Variants in PKDCC observed in about 807,000 individuals in gnomAD.
PKDCC encodes extracellular tyrosine-protein kinase PKDCC.
Under a neutral mutation model 44.7 loss-of-function variants are expected in PKDCC, and 35 were observed. That is an observed-to-expected ratio of 0.78 (90% CI 0.60 to 1.04). The LOEUF (loss-of-function observed/expected upper bound fraction) is 1.04. PKDCC is among the 50% of genes least tolerant of loss of function. The pLI is 0.00. For missense variants in PKDCC, 738 were observed against 672.7 expected (o/e 1.10, Z -1.07); for synonymous variants, 353 against 303.3 (o/e 1.16, Z -1.70).
chr2:42,052,957 A>G lies in PKDCC; in HGVS notation c.640-282A>G, dbSNP rs1208149132. ...TACAATAATTGAGTTATGCACGTAG[A>G]GCAATTTAGCATGGTACCTGGCACG... On this transcript the variant is annotated intron_variant, in intron 1 of 6. Transcript: ENST00000294964. The surrounding 1 kb of genome is among the most constrained non-coding windows in gnomAD (Gnocchi z 4.3). Among the ~76,000 whole-genome samples the G allele has an allele frequency of 6.6e-6, 1 of 152,180 alleles. No individual in the cohort carries two copies. The highest frequency in any genetic ancestry group is 2.4e-5 in the African/African-American group (1 of 41,438).
At chr2:42,056,773 GA>G (rs575397277) in intron 5 of PKDCC, among the ~76,000 whole-genome samples, 1 of 149,344 alleles carries the variant, frequency 6.7e-6, no homozygotes, top group Admixed American at 6.7e-5. Flanking sequence ...AAAAAAAAAA[GA>G]AAAAAAAAGA....
chr2:42,057,327 T>C lies in PKDCC; in HGVS notation c.1329T>C (p.Ala443=), dbSNP rs748449512. The change falls in exon 6 of 7, where the codon GCT becomes GCC. Residue 443 remains alanine, a synonymous_variant. Transcript: ENST00000294964. ...TTTCAGTGTTCAACCTGGCTGAGGC[T>C]GTGGATGTCTGTGAGAGCCATGCCC... The part of the protein sequence containing the change: ...CLLSVFNLAE[A]VDVCESHAQC... The C allele has an allele frequency of 2.5e-6, 4 of 1,614,216 alleles. No individual in the cohort carries two copies. Among genetic ancestry groups the C allele is most frequent in the Non-Finnish European group, 3.4e-6 (4 of 1,180,028 alleles).
At chr2:42,053,625 G>A (rs1558432157) in intron 2 of PKDCC, 1 of 543,156 alleles carries the variant, frequency 1.8e-6, no homozygotes, top group Non-Finnish European at 3.2e-6. Context: ...CCTTAAAGAG[G>A]GGAGCACTCA....
At chr2:42,050,491 C>A (rs1315073189) in intron 1 of PKDCC, among the ~76,000 whole-genome samples, 3 of 152,166 alleles carry the variant, frequency 2.0e-5, no homozygotes, top group Non-Finnish European at 4.4e-5. Context: ...CTCACTCTTC[C>A]CGCCAGCTCA....
rs1353475476 is a variant in PKDCC at position 42,048,567 on chromosome 2, C to A, written c.368C>A (p.Ser123Tyr). 2 of 1,344,518 alleles carry A rather than the reference C, an allele frequency of 1.5e-6. No homozygotes were observed. The highest frequency in any genetic ancestry group is 3.1e-5 in the East Asian group (1 of 32,492). 83.3% of individuals were successfully genotyped at this position (1,344,518 alleles called of 1,614,324 possible). A position where few individuals can be genotyped will look rare whatever the true frequency, so the allele number is the denominator to read the frequency against. ...TGGCCCCCGGCTCCCGGCCCAGGCT[C>A]CCCCGGCCCGGGCCCGCGCCTGGGC... ...PGWPPAPGPG[S>Y]PGPGPRLGCA... The change falls in exon 1 of 7, where the codon TCC becomes TAC. Residue 123 changes from serine to tyrosine, a missense_variant. Ser to Tyr is a moderately radical substitution (Grantham distance 144, BLOSUM62 -2). Coordinates refer to ENST00000294964, the MANE Select transcript of PKDCC (RefSeq NM_138370.3). This position sits in a 1 kb window ranked among gnomAD's most constrained non-coding sequence, Gnocchi z 6.2.
rs1477286659 is a variant in PKDCC, at chr2:42,048,633, G to A, written c.434G>A (p.Gly145Asp). 2 of 1,542,462 alleles carry A rather than the reference G, an allele frequency of 1.3e-6. No individual in the cohort carries two copies. Among genetic ancestry groups the A allele is most frequent in the Non-Finnish European group, 1.7e-6 (2 of 1,145,856 alleles). ...LRNVSGAQYMGSGYTKAVYRV... is the reference protein window; with the variant it reads ...LRNVSGAQYMDSGYTKAVYRV... The stretch of plus-strand genomic sequence containing the variant: ...AACGTGTCCGGCGCGCAGTACATGG[G>A]CTCAGGCTACACCAAGGCCGTGTAC... Residue 145 changes from glycine to aspartate, a missense_variant, in exon 1 of 7, where the codon GGC (glycine) becomes GAC (aspartate). Physicochemically the swap from Gly to Asp is moderately conservative, Grantham distance 94 (BLOSUM62 -1). Coordinates refer to ENST00000294964, the MANE Select transcript of PKDCC (RefSeq NM_138370.3). The surrounding 1 kb of genome is among the most constrained non-coding windows in gnomAD (Gnocchi z 6.2).
In PKDCC at chr2:42,052,128, A is replaced by C. The variant is rs1667978088; in HGVS notation, c.640-1111A>C. Among the ~76,000 whole-genome samples the C allele has an allele frequency of 6.6e-6, 1 of 152,096 alleles. No individual in the cohort carries two copies. On this transcript the variant is annotated intron_variant, in intron 1 of 6. Transcript: ENST00000294964. The surrounding 1 kb of genome is among the most constrained non-coding windows in gnomAD (Gnocchi z 4.3). ...CCTGGGCAGTGCGGAGCTTCTCCCC[A>C]GATGACATAGAGTGGGCAGTTCCCT...
chr2:42,053,471 G>T (rs1040811880), intron 2 of PKDCC, 110 bp downstream of exon 2: 2 of 1,429,878 alleles, frequency 1.4e-6, no homozygotes, highest in Non-Finnish European at 1.9e-6. Context: ...GGGAGAGGGA[G>T]GGGAGGAAGG....
In PKDCC at chr2:42,055,401, G is replaced by A; in HGVS notation, c.1222+8G>A. On this transcript the variant is annotated splice_region_variant and intron_variant, in intron 5 of 6. Transcript: ENST00000294964. This position sits in a 1 kb window ranked among gnomAD's most constrained non-coding sequence, Gnocchi z 4.5. ...CGGCAAGCAGCAGTACCGGTGAGTG[G>A]CCCCAAGCTGATCCACAGGGAAGCA... 6.2e-7 allele frequency: 1 copy of A among 1,610,960 alleles called. No homozygotes were observed. The highest frequency in any genetic ancestry group is 1.1e-5 in the South Asian group (1 of 90,428).
rs1486983589 is a variant in PKDCC at position 42,052,949 on chromosome 2, G to T, written c.640-290G>T. Among the ~76,000 whole-genome samples the T allele has an allele frequency of 6.6e-6, 1 of 152,108 alleles. No individual in the cohort carries two copies. The highest frequency in any genetic ancestry group is 2.4e-5 in the African/African-American group (1 of 41,426). On this transcript the variant is annotated intron_variant, in intron 1 of 6. Transcript: ENST00000294964. The surrounding 1 kb of genome is among the most constrained non-coding windows in gnomAD (Gnocchi z 4.3). Reference sequence around the variant, plus strand: ...AGGGTTATTACAATAATTGAGTTATGCACGTAGAGCAATTTAGCATGGTAC... The same window carrying T: ...AGGGTTATTACAATAATTGAGTTATTCACGTAGAGCAATTTAGCATGGTAC...
rs1266218554 is a variant in PKDCC, at chr2:42,048,172, GGGCC to G, written c.-17_-14del. On this transcript the variant is annotated 5_prime_UTR_variant, in exon 1 of 7. Transcript: ENST00000294964. This position sits in a 1 kb window ranked among gnomAD's most constrained non-coding sequence, Gnocchi z 6.2. ...GGGGCCGGGGCCGGGGAGCCGCGCG[GGGCC>G]GGCCGGCCGGGGGGAGGGGAGCGAT... The G allele has an allele frequency of 1.6e-5, 17 of 1,069,838 alleles. No homozygotes were observed. Among genetic ancestry groups the G allele is most frequent in the South Asian group, 1.5e-4 (4 of 27,054 alleles). 66.3% of individuals were successfully genotyped at this position (1,069,838 alleles called of 1,614,324 possible).
rs1209465115 is a variant in PKDCC at position 42,055,687 on chromosome 2, T to C, written c.1222+294T>C. ...ACTGGCTATATGACTTTGAGCAAGT[T>C]ACCCCTTGAACCTCACTTTCCTCAT... On this transcript the variant is annotated intron_variant, in intron 5 of 6. Transcript: ENST00000294964. This position sits in a 1 kb window ranked among gnomAD's most constrained non-coding sequence, Gnocchi z 4.5. 3.6e-5 allele frequency: 12 copies of C among 333,030 alleles called. No homozygotes were observed. The highest frequency in any genetic ancestry group is 6.1e-5 in the Non-Finnish European group (11 of 181,306). 20.6% of individuals were successfully genotyped at this position (333,030 alleles called of 1,614,324 possible).
Position 42,053,243 on chromosome 2 carries a change from A to C in PKDCC, c.644A>C (p.Tyr215Ser), listed in dbSNP as rs763936517. The change falls in exon 2 of 7, where the codon TAT (tyrosine) becomes TCT (serine). Residue 215 changes from tyrosine to serine, a missense_variant. Physicochemically the swap from Tyr to Ser is moderately radical, Grantham distance 144. Coordinates refer to ENST00000294964, the MANE Select transcript of PKDCC (RefSeq NM_138370.3). ...RLRHPNVLQL[Y>S]GYCYQDSEDI... ...CCTGCCCTCGGCTTTCCCCAGCTCTATGGCTACTGCTACCAGGACAGCGAG... is the reference window on the plus strand; with the variant it reads ...CCTGCCCTCGGCTTTCCCCAGCTCTCTGGCTACTGCTACCAGGACAGCGAG... The C allele has an allele frequency of 1.3e-6, 2 of 1,596,106 alleles. No individual in the cohort carries two copies. The highest frequency in any genetic ancestry group is 3.5e-5 in the Admixed American group (2 of 56,636).
Position 42,054,866 on chromosome 2 carries a change from G to A in PKDCC, c.1035-75G>A. On this transcript the variant is annotated intron_variant, in intron 3 of 6. Transcript: ENST00000294964. The surrounding 1 kb of genome is among the most constrained non-coding windows in gnomAD (Gnocchi z 6.1). ...GGCTCCCTGGCCAGGTTAGCGTTCT[G>A]CCCCAGGTTGGAATAGAGGAAGGAT... 1 of 1,392,470 alleles carries A rather than the reference G, an allele frequency of 7.2e-7. No homozygotes were observed. The highest frequency in any genetic ancestry group is 1.0e-6 in the Non-Finnish European group (1 of 978,790). 86.3% of individuals were successfully genotyped at this position (1,392,470 alleles called of 1,614,324 possible). A position where few individuals can be genotyped will look rare whatever the true frequency, so the allele number is the denominator to read the frequency against.
rs918026619 is a variant in PKDCC at position 42,055,550 on chromosome 2, G to C, written c.1222+157G>C. ...CATAGAATCATGGAGGGGCTGACAT[G>C]GACTAATTTGAGGTTCCATCTCTAG... On this transcript the variant is annotated intron_variant, in intron 5 of 6. Transcript: ENST00000294964. This position sits in a 1 kb window ranked among gnomAD's most constrained non-coding sequence, Gnocchi z 4.5. The C allele has an allele frequency of 1.6e-6, 1 of 628,492 alleles. No homozygotes were observed. The highest frequency in any genetic ancestry group is 1.8e-5 in the African/African-American group (1 of 54,196). The allele number at this position is 628,492 out of a possible 1,614,324, so 38.9% of individuals were successfully genotyped here.
chr2:42,053,714 C>G (rs13419617), intron 2 of PKDCC, among the ~76,000 whole-genome samples: 1 of 151,958 alleles, frequency 6.6e-6, no homozygotes, highest in East Asian at 1.9e-4. Flanking sequence ...CTGACCCTCC[C>G]GATATTTCCA....
intron 1 of PKDCC, among the ~76,000 whole-genome samples, chr2:42,050,103 T>TC (rs1667941407): frequency 6.6e-6 from 1 of 152,076 alleles, no homozygotes; most frequent in South Asian, 2.1e-4. Flanking sequence ...AGTCTCCCCC[T>TC]CCCCCATCGT....
At position 42,052,722 on chromosome 2, in the gene PKDCC, A is replaced by G. The variant is rs1667989360; in HGVS notation, c.640-517A>G. Among the ~76,000 whole-genome samples, 1 of 151,856 alleles carries G rather than the reference A, an allele frequency of 6.6e-6. No homozygotes were observed. Among genetic ancestry groups the G allele is most frequent in the African/African-American group, 2.4e-5 (1 of 41,294 alleles). ...ATGCCACTGCACTCCAGCCTGGGCA[A>G]CAGAGCGAGGCTGTCTCAAAAAAAA... is the stretch of plus-strand genomic sequence containing the variant. On this transcript the variant is annotated intron_variant, in intron 1 of 6. Coordinates refer to ENST00000294964, the MANE Select transcript of PKDCC (RefSeq NM_138370.3). The surrounding 1 kb of genome is among the most constrained non-coding windows in gnomAD (Gnocchi z 4.3).
At position 42,048,160 on chromosome 2, in the gene PKDCC, G is replaced by A; in HGVS notation, c.-40G>A. 2 of 1,027,960 alleles carry A rather than the reference G, an allele frequency of 1.9e-6. No homozygotes were observed. The highest frequency in any genetic ancestry group is 5.9e-5 in the Admixed American group (1 of 16,952). 63.7% of individuals were successfully genotyped at this position (1,027,960 alleles called of 1,614,324 possible). ...CCTGAGCCGCCCGGGGCCGGGGCCG[G>A]GGAGCCGCGCGGGGCCGGCCGGCCG... On this transcript the variant is annotated 5_prime_UTR_variant, in exon 1 of 7. Transcript: ENST00000294964. This position sits in a 1 kb window ranked among gnomAD's most constrained non-coding sequence, Gnocchi z 6.2.
Sources: allele counts gnomAD v4.1 joint callset (sites outside exome capture counted in the v4.1 genomes callset), GRCh38; gene constraint gnomAD v4.1.1; non-coding constraint Gnocchi (gnomAD v3.1); transcripts MANE v1.5; gene names NCBI Gene and HGNC (gene_info 2026-07-23, HGNC 2026-07-21).